The following KMO variants were observed in gnomAD, a reference collection of about 807,000 sequenced individuals.
The protein encoded by KMO is kynurenine 3-monooxygenase, also known as kynurenine 3-hydroxylase.
A neutral mutation model predicts 57.8 loss-of-function variants in KMO; 24 were observed. That is an observed-to-expected ratio of 0.42 (90% confidence interval 0.30 to 0.58). The LOEUF (loss-of-function observed/expected upper bound fraction) is 0.58, where lower values mean the gene tolerates loss of function less well. Ranked by LOEUF, KMO falls within the 20% of genes least tolerant of loss-of-function variation. KMO has a pLI of 0.22. For synonymous variants in KMO, 210 were observed against 193.6 expected (o/e 1.08, Z -0.70); for missense variants, 483 against 588.2 (o/e 0.82, Z 1.85).
At chr1:241,588,381 T>C (rs1663103469) in intron 11 of KMO, among the ~76,000 whole-genome samples, 1 of 141,800 alleles carries the variant, frequency 7.1e-6, no homozygotes, top group Admixed American at 7.8e-5. Context: ...CTCTCTCAGA[T>C]GCTCAGGAGC....
At chr1:241,559,663 G>A (rs1661766290) in intron 5 of KMO, among the ~76,000 whole-genome samples, 1 of 152,086 alleles carries the variant, frequency 6.6e-6, no homozygotes, top group Non-Finnish European at 1.5e-5. Flanking sequence ...AGACAAGATT[G>A]AGATGAAGAG....
At chr1:241,539,416 C>T (rs1660873781) in intron 1 of KMO, among the ~76,000 whole-genome samples, 1 of 146,278 alleles carries the variant, frequency 6.8e-6, no homozygotes, top group Admixed American at 7.0e-5. Context: ...ATAGCTACTT[C>T]ACCCTTGAAG....
At chr1:241,537,804 G>A (rs969391625) in intron 1 of KMO, among the ~76,000 whole-genome samples, 9 of 152,008 alleles carry the variant, frequency 5.9e-5, no homozygotes, top group Non-Finnish European at 1.0e-4. Flanking sequence ...TCACTATCAC[G>A]AGAACAGCAT....
Position 241,558,173 on chromosome 1 carries a change from T to G in KMO, c.362-2492T>G, listed in dbSNP as rs531135815. On this transcript the variant is annotated intron_variant, in intron 5 of 14. Coordinates refer to ENST00000366559, the MANE Select transcript of KMO (RefSeq NM_003679.5). ...TTATTATGACTTCTGCCTCCAATATTATATATAAAACATCTGCTAATACTA... is the reference window on the plus strand; with the variant it reads ...TTATTATGACTTCTGCCTCCAATATGATATATAAAACATCTGCTAATACTA... Among the ~76,000 whole-genome samples, 5 of 152,330 alleles carry G rather than the reference T, an allele frequency of 3.3e-5. No homozygotes were observed. The South Asian group carries it at 1.0e-3, about 32-fold the overall frequency.
intron 10 of KMO, among the ~76,000 whole-genome samples, chr1:241,583,523 C>T (rs566029514): frequency 1.2e-4 from 18 of 152,164 alleles, no homozygotes; most frequent in African/African-American, 4.3e-4. Flanking sequence ...AAGACAAAGA[C>T]CTCTATACTT....
Position 241,557,146 on chromosome 1 carries a change from T to C in KMO, c.361+1486T>C, listed in dbSNP as rs184686428. Among the ~76,000 whole-genome samples, 330 of 152,198 alleles carry C rather than the reference T, an allele frequency of 2.2e-3. 1 individual carries two copies. Among genetic ancestry groups the C allele is most frequent in the African/African-American group, 7.1e-3 (293 of 41,522 alleles). On this transcript the variant is annotated intron_variant, in intron 5 of 14. Transcript: ENST00000366559. Reference sequence around the variant, plus strand: ...GAAAGGTGTAAATAGAACCCTGAAGTTGTGAATTTGTGTAACTAAAAAAAG... The same window carrying C: ...GAAAGGTGTAAATAGAACCCTGAAGCTGTGAATTTGTGTAACTAAAAAAAG...
rs1312701567 is a variant in KMO at position 241,549,030 on chromosome 1, C to T, written c.124+132C>T. 5.0e-6 allele frequency: 3 copies of T among 595,554 alleles called. No homozygotes were observed. In the East Asian group the frequency reaches 9.4e-5, roughly 19 times the overall value. 36.9% of individuals were successfully genotyped at this position (595,554 alleles called of 1,614,324 possible). On this transcript the variant is annotated intron_variant, in intron 2 of 14. Coordinates refer to ENST00000366559, the MANE Select transcript of KMO (RefSeq NM_003679.5). Reference sequence around the variant, plus strand: ...CCTGGGCAACATGGCAAAACCCCATCTCTACAAAAAATACAAAAATTAGCC... The same window carrying T: ...CCTGGGCAACATGGCAAAACCCCATTTCTACAAAAAATACAAAAATTAGCC...
At position 241,595,294 on chromosome 1, in the gene KMO, CTCCTCTCTGCTGT is replaced by C. The variant is rs1341979904; in HGVS notation, c.*3150_*3162del. The C allele has an allele frequency of 6.6e-6, 1 of 152,302 alleles. No individual in the cohort carries two copies. The highest frequency in any genetic ancestry group is 2.4e-5 in the African/African-American group (1 of 41,436). 9.4% of individuals were successfully genotyped at this position (152,302 alleles called of 1,614,324 possible). A position where few individuals can be genotyped will look rare whatever the true frequency, so the allele number is the denominator to read the frequency against. ...ATATTTCTTGGCCTCCTTTCCGCTT[CTCCTCTCTGCTGT>C]TCCTCTCTACAAGAACCTGGGAGGC... On this transcript the variant is annotated 3_prime_UTR_variant, in exon 15 of 15. Coordinates refer to ENST00000366559, the MANE Select transcript of KMO (RefSeq NM_003679.5).
chr1:241,562,024 A>G (rs757083681), intron 6 of KMO, 143 bp from the exon 7 acceptor site: 39 of 650,464 alleles, frequency 6.0e-5, no homozygotes, highest in Middle Eastern at 8.5e-4. Context: ...TGTTACATCT[A>G]TTAACTCAAA....
At chr1:241,585,215 C>T (rs953484290) in intron 10 of KMO, among the ~76,000 whole-genome samples, 6 of 140,324 alleles carry the variant, frequency 4.3e-5, no homozygotes, top group East Asian at 2.1e-4. Context: ...GGTGACAGAC[C>T]GAGACTGCAT....
rs186007812 is a variant in KMO, at chr1:241,558,883, G to T, written c.362-1782G>T. Among the ~76,000 whole-genome samples the T allele has an allele frequency of 4.6e-5, 7 of 152,002 alleles. No homozygotes were observed. The East Asian group carries it at 1.2e-3, about 25-fold the overall frequency. ...ATCCCAGCACTTTGGGAGGCCGAAG[G>T]GGGTGGATCACCTGAGGCCAGGAGT... On this transcript the variant is annotated intron_variant, in intron 5 of 14. Transcript: ENST00000366559.
chr1:241,560,818 C>G (rs2147959623), intron 6 of KMO, 66 bp downstream of exon 6: 1 of 1,000,264 alleles, frequency 1.0e-6, no homozygotes, highest in Non-Finnish European at 1.6e-6. Flanking sequence ...TATCTGCAAA[C>G]TTTGTTCTTT....
rs563246791 is a variant in KMO at position 241,573,816 on chromosome 1, T to A, written c.957+5169T>A. The stretch of plus-strand genomic sequence containing the variant: ...AATTCTGTGAAAAGCGATGTTGGTA[T>A]TTTGATAGGAATTACATTGAATCTG... On this transcript the variant is annotated intron_variant, in intron 10 of 14. Transcript: ENST00000366559. Among the ~76,000 whole-genome samples the A allele has an allele frequency of 2.6e-4, 39 of 152,254 alleles. No individual in the cohort carries two copies. The South Asian group carries it at 7.5e-3, about 29-fold the overall frequency.
chr1:241,556,098 A>C lies in KMO; in HGVS notation c.361+438A>C, dbSNP rs148257331. 3.0e-3 allele frequency among the ~76,000 whole-genome samples: 461 copies of C among 152,250 alleles called. 2 individuals carry two copies. Among genetic ancestry groups the C allele is most frequent in the African/African-American group, 0.01 (432 of 41,554 alleles). ...CAACAGAGTGAGACCCTGTCTCAAA[A>C]AAAGAAATAAATAAATGAAGTCCTT... is the stretch of plus-strand genomic sequence containing the variant. On this transcript the variant is annotated intron_variant, in intron 5 of 14. Coordinates refer to ENST00000366559, the MANE Select transcript of KMO (RefSeq NM_003679.5).
chr1:241,583,544 T>C (rs1004872769), intron 10 of KMO, among the ~76,000 whole-genome samples: 3 of 151,980 alleles, frequency 2.0e-5, no homozygotes, highest in Non-Finnish European at 4.4e-5. Flanking sequence ...TTTCTTCTCC[T>C]TTCCCCAAGT....
At chr1:241,560,844 G>A in intron 6 of KMO, 92 bp downstream of exon 6, 3 of 849,340 alleles carry the variant, frequency 3.5e-6, no homozygotes, top group Non-Finnish European at 6.0e-6. Context: ...TTTTGAAAGA[G>A]TTAAAAGATT....
intron 1 of KMO, among the ~76,000 whole-genome samples, chr1:241,535,226 G>C (rs1454735759): frequency 6.6e-6 from 1 of 151,934 alleles, no homozygotes; most frequent in African/African-American, 2.4e-5. Flanking sequence ...TAGAGGACAA[G>C]ATTACATTTT....
rs956387235 is a variant in KMO at position 241,594,110 on chromosome 1, G to A, written c.*1957G>A. On this transcript the variant is annotated 3_prime_UTR_variant, in exon 15 of 15. Coordinates refer to ENST00000366559, the MANE Select transcript of KMO (RefSeq NM_003679.5). ...GGTATTTTCGAGAAAAATGCATTACGTGTTTTGGAAAATAGAGTAATTTAA... is the reference window on the plus strand; with the variant it reads ...GGTATTTTCGAGAAAAATGCATTACATGTTTTGGAAAATAGAGTAATTTAA... 22 of 274,926 alleles carry A rather than the reference G, an allele frequency of 8.0e-5. No homozygotes were observed. Among genetic ancestry groups the A allele is most frequent in the Admixed American group, 6.9e-4 (14 of 20,382 alleles). The allele number at this position is 274,926 out of a possible 1,614,324, so 17.0% of individuals were successfully genotyped here. A position where few individuals can be genotyped will look rare whatever the true frequency, so the allele number is the denominator to read the frequency against.
Position 241,565,780 on chromosome 1 carries a change from GT to G in KMO, c.688-710del, listed in dbSNP as rs890642118. ...TAGACCCTAGAGACTTTTTTCCTAG[GT>G]AGATATAGCTGTTTCTCTGGTTGGG... On this transcript the variant is annotated intron_variant, in intron 8 of 14. Coordinates refer to ENST00000366559, the MANE Select transcript of KMO (RefSeq NM_003679.5). Among the ~76,000 whole-genome samples, 13 of 152,166 alleles carry G rather than the reference GT, an allele frequency of 8.5e-5. 1 individual carries two copies. Among genetic ancestry groups the G allele is most frequent in the African/African-American group, 3.1e-4 (13 of 41,522 alleles).
Sources: allele counts gnomAD v4.1 joint callset (sites outside exome capture counted in the v4.1 genomes callset), GRCh38; gene constraint gnomAD v4.1.1; transcripts MANE v1.5; gene names NCBI Gene and HGNC (gene_info 2026-07-23, HGNC 2026-07-21).